TSHZ2: variants seen among roughly 807,000 people sequenced by gnomAD.
TSHZ2 encodes teashirt zinc finger homeobox 2.
Under a neutral mutation model 74.4 loss-of-function variants are expected in TSHZ2, and 21 were observed. The observed-to-expected ratio is 0.28, with a 90% CI of 0.20 to 0.41. TSHZ2 has a LOEUF of 0.41. Ranked by LOEUF, TSHZ2 falls within the 10% of genes least tolerant of loss-of-function variation. TSHZ2 has a pLI of 1.00. For missense variants in TSHZ2, 1,244 were observed against 1,293.5 expected (o/e 0.96, Z 0.59); for synonymous variants, 540 against 515.3 (o/e 1.05, Z -0.65).
chr20:53,155,516 G>A (rs1163387779), intron 1 of TSHZ2, among the ~76,000 whole-genome samples: 1 of 151,774 alleles, frequency 6.6e-6, no homozygotes, highest in East Asian at 2.0e-4. Context: ...GATATATCAG[G>A]GACAGTCTCC....
At chr20:53,263,173 T>A (rs1387021373) in intron 2 of TSHZ2, among the ~76,000 whole-genome samples, 1 of 152,220 alleles carries the variant, frequency 6.6e-6, no homozygotes, top group Non-Finnish European at 1.5e-5. Context: ...ACTTTCCAAC[T>A]CAGACATCTT....
chr20:53,155,719 C>A (rs1345699700), intron 1 of TSHZ2, among the ~76,000 whole-genome samples: 1 of 152,026 alleles, frequency 6.6e-6, no homozygotes, highest in Non-Finnish European at 1.5e-5. Context: ...TTTAAAACCC[C>A]GCTTACTAGG....
At chr20:53,371,742 G>A (rs1017159729) in intron 2 of TSHZ2, among the ~76,000 whole-genome samples, 3 of 151,900 alleles carry the variant, frequency 2.0e-5, no homozygotes, top group African/African-American at 7.3e-5. Flanking sequence ...GGGGCATGGT[G>A]GCACATGCCT....
chr20:53,484,958 G>T (rs946612080), intron 2 of TSHZ2, among the ~76,000 whole-genome samples: 2 of 152,264 alleles, frequency 1.3e-5, no homozygotes, highest in East Asian at 3.9e-4. Flanking sequence ...TTTAGGTTCA[G>T]TGTTTTTTCT....
At chr20:53,364,022 G>A in intron 2 of TSHZ2, among the ~76,000 whole-genome samples, 1 of 152,192 alleles carries the variant, frequency 6.6e-6, no homozygotes. Context: ...GTGTTAAATA[G>A]TAATAAATAC....
chr20:53,377,677 C>T (rs186449168), intron 2 of TSHZ2, among the ~76,000 whole-genome samples: 17 of 150,718 alleles, frequency 1.1e-4, no homozygotes, highest in African/African-American at 2.4e-4. Context: ...CTGAGCAACA[C>T]GGCAAAACCC....
At chr20:53,265,914 T>G (rs1349411753) in intron 2 of TSHZ2, among the ~76,000 whole-genome samples, 1 of 152,178 alleles carries the variant, frequency 6.6e-6, no homozygotes, top group African/African-American at 2.4e-5. Context: ...CTCCCTTCCT[T>G]TCTTTCTTTT....
At chr20:53,237,684 C>T (rs1018709407) in intron 1 of TSHZ2, among the ~76,000 whole-genome samples, 3 of 152,092 alleles carry the variant, frequency 2.0e-5, no homozygotes, top group African/African-American at 7.2e-5. Flanking sequence ...TCTTTAGGAG[C>T]TGATGTGATT....
intron 1 of TSHZ2, among the ~76,000 whole-genome samples, chr20:53,208,098 G>T (rs1989215905): frequency 6.6e-6 from 1 of 152,062 alleles, no homozygotes; most frequent in African/African-American, 2.4e-5. Flanking sequence ...GACCTTGTTG[G>T]CATGACAGTT....
intron 1 of TSHZ2, among the ~76,000 whole-genome samples, chr20:53,121,380 A>G (rs1164057192): frequency 1.3e-5 from 2 of 152,300 alleles, no homozygotes; most frequent in East Asian, 1.9e-4. Context: ...GGCAAGATAT[A>G]TATAGCCTTC....
intron 2 of TSHZ2, among the ~76,000 whole-genome samples, chr20:53,262,229 T>TC (rs1465150492): frequency 6.6e-6 from 1 of 152,080 alleles, no homozygotes; most frequent in Non-Finnish European, 1.5e-5. Flanking sequence ...TTTTTCTTTT[T>TC]TTAACTATCA....
intron 2 of TSHZ2, among the ~76,000 whole-genome samples, chr20:53,411,034 G>T (rs545417357): frequency 1.3e-5 from 2 of 152,198 alleles, no homozygotes; most frequent in South Asian, 4.2e-4. Context: ...CCTGGATCCT[G>T]CTCCTTCAAG....
intron 1 of TSHZ2, among the ~76,000 whole-genome samples, chr20:53,135,007 G>GAC (rs139347142): frequency 0.27 from 40,001 of 148,516 alleles, 5,429 homozygotes; most frequent in East Asian, 0.43. Flanking sequence ...TGCACATGCA[G>GAC]ACACACACAC....
chr20:53,063,916 C>T (rs139387817), intron 1 of TSHZ2, among the ~76,000 whole-genome samples: 133 of 152,184 alleles, frequency 8.7e-4, no homozygotes, highest in African/African-American at 3.1e-3. Context: ...CATCTGAACT[C>T]GGTGGGAAAT....
chr20:53,333,001 C>G (rs1472671002), intron 2 of TSHZ2, among the ~76,000 whole-genome samples: 3 of 152,190 alleles, frequency 2.0e-5, no homozygotes, highest in Non-Finnish European at 2.9e-5. Context: ...GTGATTCTCT[C>G]TCCCAGATCT....
chr20:53,084,013 A>G (rs1475805665), intron 1 of TSHZ2, among the ~76,000 whole-genome samples: 1 of 152,132 alleles, frequency 6.6e-6, no homozygotes, highest in Non-Finnish European at 1.5e-5. Context: ...TATTATTAAA[A>G]ATTAAATAAG....
chr20:53,412,502 C>T (rs953718518), intron 2 of TSHZ2: 4 of 152,260 alleles, frequency 2.6e-5, no homozygotes, highest in African/African-American at 9.6e-5. Flanking sequence ...TGTTCCACAA[C>T]CATCACCACC....
chr20:53,239,615 T>G (rs1236925429), intron 1 of TSHZ2, among the ~76,000 whole-genome samples: 3 of 152,048 alleles, frequency 2.0e-5, no homozygotes, highest in Admixed American at 6.6e-5. Context: ...GAATTTGAAA[T>G]CGCAATGGAT....
At chr20:53,470,803 A>T (rs968504490) in intron 2 of TSHZ2, among the ~76,000 whole-genome samples, 21 of 148,090 alleles carry the variant, frequency 1.4e-4, no homozygotes, top group African/African-American at 5.3e-4. Flanking sequence ...ATAGAGCAAA[A>T]ATCCATCTCA....
Sources: allele counts gnomAD v4.1 joint callset (sites outside exome capture counted in the v4.1 genomes callset), GRCh38; gene constraint gnomAD v4.1.1; transcripts MANE v1.5; gene names NCBI Gene and HGNC (gene_info 2026-07-23, HGNC 2026-07-21).